The following MOB3B variants were observed in gnomAD, a reference collection of about 807,000 sequenced individuals.
MOB3B encodes the protein MOB kinase activator-like 2B.
A neutral mutation model predicts 18.7 loss-of-function variants in MOB3B; 7 were observed. That is an observed-to-expected ratio of 0.37 (90% CI 0.21 to 0.70). The LOEUF (loss-of-function observed/expected upper bound fraction) is 0.70. Among genes scored for constraint, MOB3B ranks in the 30% least tolerant of loss-of-function variants. The probability of loss-of-function intolerance (pLI) is 0.52; values close to 1 mark genes in which losing one functional copy is unlikely to be tolerated. For synonymous variants in MOB3B, 111 were observed against 99.9 expected, an observed-to-expected ratio of 1.11 and a Z score of -0.66; for missense variants, 253 against 281.3, an observed-to-expected ratio of 0.90 and a Z score of 0.72.
intron 1 of MOB3B, among the ~76,000 whole-genome samples, chr9:27,496,237 G>A (rs181060338): frequency 2.6e-4 from 39 of 152,354 alleles, no homozygotes; most frequent in Non-Finnish European, 1.2e-4. Flanking sequence ...TGGAGATTAA[G>A]TTTGCCAAGT....
intron 1 of MOB3B, chr9:27,526,287 T>C (rs1315125768): frequency 1.3e-5 from 2 of 152,346 alleles, no homozygotes; most frequent in East Asian, 3.9e-4. Context: ...TGGATCATGG[T>C]ATATGCAGGC....
At chr9:27,382,811 C>T (rs1821597813) in intron 2 of MOB3B, among the ~76,000 whole-genome samples, 1 of 152,058 alleles carries the variant, frequency 6.6e-6, no homozygotes, top group Non-Finnish European at 1.5e-5. Context: ...GGGTATGAAA[C>T]TGCCAGTGCT....
intron 3 of MOB3B, among the ~76,000 whole-genome samples, chr9:27,348,415 G>A (rs113135264): frequency 7.7e-4 from 117 of 152,286 alleles, no homozygotes; most frequent in African/African-American, 2.6e-3. Flanking sequence ...CACTTTGGGA[G>A]GCTGAGGCAG....
At chr9:27,409,299 G>A (rs1319944039) in intron 2 of MOB3B, among the ~76,000 whole-genome samples, 2 of 152,180 alleles carry the variant, frequency 1.3e-5, no homozygotes, top group Non-Finnish European at 2.9e-5. Context: ...CTTGGCCCCA[G>A]AGCTAGACAC....
chr9:27,490,184 C>A (rs577244495), intron 1 of MOB3B, among the ~76,000 whole-genome samples: 1 of 152,264 alleles, frequency 6.6e-6, no homozygotes, highest in East Asian at 1.9e-4. Flanking sequence ...CCCCCTACTA[C>A]AGATGGGTGA....
intron 1 of MOB3B, among the ~76,000 whole-genome samples, chr9:27,528,290 C>T (rs1368564186): frequency 1.3e-5 from 2 of 152,260 alleles, no homozygotes; most frequent in Non-Finnish European, 2.9e-5. Flanking sequence ...TCCCCTCCCA[C>T]TGCCCTAGCA....
chr9:27,403,261 T>C (rs775031825), intron 2 of MOB3B, among the ~76,000 whole-genome samples: 2 of 152,184 alleles, frequency 1.3e-5, no homozygotes, highest in Non-Finnish European at 1.5e-5. Context: ...GGATTTTAGA[T>C]TGAAGTCACA....
At position 27,366,901 on chromosome 9, in the gene MOB3B, C is replaced by T. The variant is rs374881517; in HGVS notation, c.419-7665G>A. ...GCTTGGCTCAGTGTCTCCCATCATC[C>T]GCAGACCCAGCTTCCCTGGCATCTG... On this transcript the variant is annotated intron_variant, in intron 2 of 3. Transcript: ENST00000262244. Among the ~76,000 whole-genome samples the T allele has an allele frequency of 1.1e-4, 16 of 152,318 alleles. No homozygotes were observed. The East Asian group carries it at 2.3e-3, about 22-fold the overall frequency.
At chr9:27,343,417 T>C (rs1820982468) in intron 3 of MOB3B, among the ~76,000 whole-genome samples, 1 of 148,684 alleles carries the variant, frequency 6.7e-6, no homozygotes, top group African/African-American at 2.5e-5. Flanking sequence ...CCTCCACTAT[T>C]GTCCTATGAC....
chr9:27,341,022 C>A (rs939815572), intron 3 of MOB3B, among the ~76,000 whole-genome samples: 6 of 152,332 alleles, frequency 3.9e-5, no homozygotes, highest in Admixed American at 3.3e-4. Flanking sequence ...TGGCCCAATG[C>A]CCCCTGTAGG....
intron 3 of MOB3B, among the ~76,000 whole-genome samples, chr9:27,343,299 C>CGCTCCTT: frequency 6.6e-6 from 1 of 151,148 alleles, no homozygotes; most frequent in South Asian, 2.1e-4. Context: ...GAGTCATCAC[C>CGCTCCTT]ACTCCCTAAT....
rs554961540 is a variant in MOB3B, at chr9:27,328,905, T to C, written c.*1682A>G. 8.8e-4 allele frequency: 135 copies of C among 152,780 alleles called. No homozygotes were observed. Among genetic ancestry groups the C allele is most frequent in the African/African-American group, 2.5e-3 (105 of 41,560 alleles). The allele number at this position is 152,780 out of a possible 1,614,324, so 9.5% of individuals were successfully genotyped here. On this transcript the variant is annotated 3_prime_UTR_variant, in exon 4 of 4. Coordinates refer to ENST00000262244, the MANE Select transcript of MOB3B (RefSeq NM_024761.5). ...AAGGGGGACAAAAGTATGTTTATTGTTGACCAGGGCACAGCAACATGGTGA... is the reference window on the plus strand; with the variant it reads ...AAGGGGGACAAAAGTATGTTTATTGCTGACCAGGGCACAGCAACATGGTGA...
At chr9:27,440,687 ATTAGG>A (rs1315745337) in intron 2 of MOB3B, among the ~76,000 whole-genome samples, 1 of 152,118 alleles carries the variant, frequency 6.6e-6, no homozygotes, top group Non-Finnish European at 1.5e-5. Context: ...GAATTAGCTC[ATTAGG>A]TTAGGGTGAA....
At chr9:27,470,658 C>T (rs987713051) in intron 1 of MOB3B, among the ~76,000 whole-genome samples, 3 of 152,204 alleles carry the variant, frequency 2.0e-5, no homozygotes, top group Non-Finnish European at 4.4e-5. Flanking sequence ...AGGGCCCACC[C>T]ACCCATCTGT....
intron 1 of MOB3B, among the ~76,000 whole-genome samples, chr9:27,480,449 G>A (rs147567792): frequency 0.017 from 2,587 of 152,188 alleles, 78 homozygotes; most frequent in African/African-American, 0.058. Flanking sequence ...ACAGGCACCC[G>A]CCACCATGCT....
intron 1 of MOB3B, among the ~76,000 whole-genome samples, chr9:27,467,853 C>T (rs1438431454): frequency 3.9e-5 from 6 of 152,232 alleles, no homozygotes; most frequent in South Asian, 2.1e-4. Flanking sequence ...AGTTAACAGG[C>T]CCATTGGTTA....
chr9:27,339,499 C>T (rs1447333266), intron 3 of MOB3B, among the ~76,000 whole-genome samples: 4 of 152,192 alleles, frequency 2.6e-5, no homozygotes, highest in Admixed American at 6.5e-5. Flanking sequence ...TCTTGTGTTC[C>T]GAATGGAGTA....
intron 1 of MOB3B, among the ~76,000 whole-genome samples, chr9:27,472,390 GGCTGA>G (rs1489642695): frequency 6.6e-6 from 1 of 151,982 alleles, no homozygotes; most frequent in Non-Finnish European, 1.5e-5. Flanking sequence ...ACAGGCGCAG[GGCTGA>G]GCCAAACCCC....
At chr9:27,438,789 C>T (rs1822550245) in intron 2 of MOB3B, among the ~76,000 whole-genome samples, 1 of 152,108 alleles carries the variant, frequency 6.6e-6, no homozygotes, top group African/African-American at 2.4e-5. Context: ...ATTCCACAGC[C>T]ATTTAAAGAG....
Sources: allele counts gnomAD v4.1 joint callset (sites outside exome capture counted in the v4.1 genomes callset), GRCh38; gene constraint gnomAD v4.1.1; transcripts MANE v1.5; gene names NCBI Gene and HGNC (gene_info 2026-07-23, HGNC 2026-07-21).